The following DROSHA variants were observed in gnomAD, a reference collection of about 807,000 sequenced individuals.
DROSHA encodes drosha ribonuclease III.
DROSHA carries 56 observed loss-of-function variants against 181.9 expected under a neutral mutation model. The observed-to-expected ratio is 0.31, with a 90% CI of 0.25 to 0.38. The LOEUF (loss-of-function observed/expected upper bound fraction) is 0.38, where lower values mean the gene tolerates loss of function less well. Ranked by LOEUF, DROSHA falls within the 10% of genes least tolerant of loss-of-function variation. The pLI is 1.00. For missense variants in DROSHA, 1,218 were observed against 1,743.5 expected, an observed-to-expected ratio of 0.70 and a Z score of 5.37; for synonymous variants, 524 against 591.2, an observed-to-expected ratio of 0.89 and a Z score of 1.65.
At chr5:31,458,982 A>G (rs1748029091) in intron 20 of DROSHA, among the ~76,000 whole-genome samples, 1 of 152,196 alleles carries the variant, frequency 6.6e-6, no homozygotes, top group Admixed American at 6.5e-5. Flanking sequence ...AGGGAAAAAA[A>G]GGAGAAATGG....
rs890654674 is a variant in DROSHA, at chr5:31,444,794, C to T, written c.2882+3753G>A. Among the ~76,000 whole-genome samples the T allele has an allele frequency of 3.3e-5, 5 of 152,188 alleles. No individual in the cohort carries two copies. The East Asian group carries it at 9.6e-4, about 29-fold the overall frequency. On this transcript the variant is annotated intron_variant, in intron 23 of 35. Coordinates refer to ENST00000344624, the MANE Select transcript of DROSHA (RefSeq NM_001382508.1). ...TCATTCTTTTCTGATCTTAGACTCT[C>T]ACAGAACATCATAGTGAGGTATATG... is the stretch of plus-strand genomic sequence containing the variant.
chr5:31,452,916 A>G lies in DROSHA; in HGVS notation c.2575-1276T>C, dbSNP rs73749324. On this transcript the variant is annotated intron_variant, in intron 20 of 35. Coordinates refer to ENST00000344624, the MANE Select transcript of DROSHA (RefSeq NM_001382508.1). ...TCGGCACTTTATCCACTTTGCTTTT[A>G]TAAGTGCTGTGCTGATAAACACAAC... Among the ~76,000 whole-genome samples, 93 of 152,352 alleles carry G rather than the reference A, an allele frequency of 6.1e-4. No homozygotes were observed. In the Middle Eastern group the frequency reaches 0.01, roughly 17 times the overall value.
chr5:31,521,342 G>A lies in DROSHA; in HGVS notation c.855-127C>T, dbSNP rs1044871907. The A allele has an allele frequency of 6.5e-6, 6 of 929,750 alleles. No individual in the cohort carries two copies. In the African/African-American group the frequency reaches 8.3e-5, roughly 13 times the overall value. The allele number at this position is 929,750 out of a possible 1,614,324, so 57.6% of individuals were successfully genotyped here. ...AATTTTTCAGGCACTGTTCACTGGG[G>A]GACATTTTTATGCCTTCTTAATTTA... is the stretch of plus-strand genomic sequence containing the variant. On this transcript the variant is annotated intron_variant, in intron 5 of 35. Transcript: ENST00000344624.
intron 28 of DROSHA, among the ~76,000 whole-genome samples, chr5:31,423,660 T>C (rs1053126220): frequency 2.0e-5 from 3 of 152,220 alleles, no homozygotes; most frequent in Non-Finnish European, 4.4e-5. Context: ...ATTAATAAAA[T>C]ATTTTTAAAG....
chr5:31,436,428 T>C (rs1202985281), intron 24 of DROSHA, among the ~76,000 whole-genome samples: 1 of 150,136 alleles, frequency 6.7e-6, no homozygotes, highest in Non-Finnish European at 1.5e-5. Flanking sequence ...AGTCTCACTC[T>C]GTCACCCAGG....
chr5:31,510,325 G>T (rs1342683048), intron 9 of DROSHA, among the ~76,000 whole-genome samples: 1 of 152,144 alleles, frequency 6.6e-6, no homozygotes, highest in Non-Finnish European at 1.5e-5. Context: ...GTAGAGCAGG[G>T]ATTCAAACCC....
chr5:31,456,674 T>G (rs1000012067), intron 20 of DROSHA, among the ~76,000 whole-genome samples: 5 of 152,080 alleles, frequency 3.3e-5, no homozygotes, highest in African/African-American at 1.2e-4. Context: ...CATAAAACTG[T>G]TTGACAGACA....
In DROSHA at chr5:31,437,877, A is replaced by G. The variant is rs569727907; in HGVS notation, c.2883-579T>C. ...CTTAAGACACTCAGTGTGCCTCTTCAGGCCAAGCTCCCTGCCACCCTAGAG... is the reference window on the plus strand; with the variant it reads ...CTTAAGACACTCAGTGTGCCTCTTCGGGCCAAGCTCCCTGCCACCCTAGAG... On this transcript the variant is annotated intron_variant, in intron 23 of 35. Transcript: ENST00000344624. Among the ~76,000 whole-genome samples the G allele has an allele frequency of 2.1e-3, 319 of 152,214 alleles. 1 individual carries two copies. Among genetic ancestry groups the G allele is most frequent in the Middle Eastern group, 6.8e-3 (2 of 294 alleles).
At chr5:31,437,731 C>G (rs527687655) in intron 23 of DROSHA, among the ~76,000 whole-genome samples, 3 of 152,312 alleles carry the variant, frequency 2.0e-5, no homozygotes, top group South Asian at 4.1e-4. Flanking sequence ...AACCCAGCAT[C>G]TGAAGTCCTT....
At chr5:31,482,868 G>A (rs771985456) in intron 16 of DROSHA, among the ~76,000 whole-genome samples, 1 of 150,958 alleles carries the variant, frequency 6.6e-6, no homozygotes, top group African/African-American at 2.4e-5. Flanking sequence ...TGCTCAAGCT[G>A]GTCTCAAACC....
At chr5:31,435,734 T>A (rs764543066) in intron 25 of DROSHA, 31 bp downstream of exon 25, 48 of 1,598,976 alleles carry the variant, frequency 3.0e-5, no homozygotes, top group Non-Finnish European at 3.8e-5. Context: ...ATGTCAGACG[T>A]AACTACAAAT....
rs1455857624 is a variant in DROSHA, at chr5:31,410,800, T to G, written c.3613A>C (p.Lys1205Gln). 6 of 1,614,002 alleles carry G rather than the reference T, an allele frequency of 3.7e-6. No individual in the cohort carries two copies. The highest frequency in any genetic ancestry group is 5.1e-6 in the Non-Finnish European group (6 of 1,179,854). The change falls in exon 31 of 36, where the codon AAG (lysine) becomes CAG (glutamine). Residue 1205 changes from lysine to glutamine, a missense_variant. Physicochemically the swap from Lys to Gln is moderately conservative, Grantham distance 53 (BLOSUM62 1). Around this residue, in one of 8 missense-constraint regions of DROSHA, gnomAD observed 47 missense variants for 70.6 expected, o/e 0.67. Coordinates refer to ENST00000344624, the MANE Select transcript of DROSHA (RefSeq NM_001382508.1). ...CGAAGCGCCACAGGCCTCTTGGTCTTGTCGTTGGTTATGGCGTACTCCTGC... is the reference window on the plus strand; with the variant it reads ...CGAAGCGCCACAGGCCTCTTGGTCTGGTCGTTGGTTATGGCGTACTCCTGC... ...GMQEYAITNDKTKRPVALRTK... is the reference protein window; with the variant it reads ...GMQEYAITNDQTKRPVALRTK...
chr5:31,476,870 C>T (rs866331722), intron 16 of DROSHA, among the ~76,000 whole-genome samples: 1 of 152,176 alleles, frequency 6.6e-6, no homozygotes, highest in African/African-American at 2.4e-5. Flanking sequence ...CTTGGCCACT[C>T]GCACTCAGGC....
chr5:31,446,573 T>C (rs552411983), intron 23 of DROSHA, among the ~76,000 whole-genome samples: 1 of 144,512 alleles, frequency 6.9e-6, no homozygotes, highest in African/African-American at 2.6e-5. Context: ...ATTGAAAAAA[T>C]TTAAAAAGAC....
At chr5:31,440,679 C>T (rs13180490) in intron 23 of DROSHA, among the ~76,000 whole-genome samples, 68,518 of 151,980 alleles carry the variant, frequency 0.45, 16,698 homozygotes, top group Non-Finnish European at 0.55. Flanking sequence ...CAAAGTGTTC[C>T]AAAATTTGAA....
chr5:31,508,114 A>G (rs1439956598), intron 10 of DROSHA, among the ~76,000 whole-genome samples: 1 of 152,202 alleles, frequency 6.6e-6, no homozygotes, highest in Non-Finnish European at 1.5e-5. Flanking sequence ...TAACAATGCT[A>G]ATTTTATTAT....
chr5:31,401,633 C>T, intron 35 of DROSHA, 71 bp from the exon 36 acceptor site: 1 of 1,037,776 alleles, frequency 9.6e-7, no homozygotes, highest in Non-Finnish European at 1.2e-6. Flanking sequence ...AATAATGCAA[C>T]TAAACATATA....
intron 18 of DROSHA, chr5:31,466,530 T>C (rs1415243398): frequency 6.0e-6 from 2 of 333,546 alleles, no homozygotes; most frequent in Non-Finnish European, 1.1e-5. Context: ...GGTGTGACTA[T>C]ATGAATGAAT....
intron 16 of DROSHA, among the ~76,000 whole-genome samples, chr5:31,482,539 G>A (rs756742144): frequency 6.6e-6 from 1 of 152,138 alleles, no homozygotes; most frequent in Admixed American, 6.6e-5. Flanking sequence ...ATGGTCCAAG[G>A]TTTTATCTTA....
Sources: gnomAD v4.1 joint callset for allele counts (sites outside exome capture counted in the v4.1 genomes callset) on GRCh38, gnomAD v4.1.1 for gene constraint, gnomAD v4.1.1 regional missense constraint, MANE v1.5 for transcripts, NCBI Gene and HGNC (gene_info 2026-07-23, HGNC 2026-07-21) for gene names.